The following HSDL2 variants were observed in gnomAD, a reference collection of about 807,000 sequenced individuals.
HSDL2 encodes the protein hydroxysteroid dehydrogenase like 2.
HSDL2 carries 27 observed loss-of-function variants against 46.3 expected under a neutral mutation model. The observed-to-expected ratio is 0.58, with a 90% confidence interval of 0.43 to 0.80. HSDL2 has a LOEUF of 0.80. Among genes scored for constraint, HSDL2 ranks in the 30% least tolerant of loss-of-function variants. HSDL2 has a pLI of 0.00. For missense variants in HSDL2, 451 were observed against 502.7 expected (o/e 0.90, Z 0.98); for synonymous variants, 153 against 163.6 (o/e 0.94, Z 0.50).
chr9:112,415,315 TAAC>T (rs1038618319), intron 4 of HSDL2, among the ~76,000 whole-genome samples: 1 of 152,242 alleles, frequency 6.6e-6, no homozygotes, highest in African/African-American at 2.4e-5. Flanking sequence ...TACATAATAC[TAAC>T]AACAGCGATT....
At chr9:112,413,166 A>G (rs2132634886) in intron 4 of HSDL2, among the ~76,000 whole-genome samples, 1 of 151,542 alleles carries the variant, frequency 6.6e-6, no homozygotes, top group Non-Finnish European at 1.5e-5. Flanking sequence ...ATGTTATAAA[A>G]TGAAAATTCA....
At chr9:112,405,887 G>T (rs917465046) in intron 3 of HSDL2, among the ~76,000 whole-genome samples, 165 bp downstream of exon 3, 1 of 152,136 alleles carries the variant, frequency 6.6e-6, no homozygotes, top group Non-Finnish European at 1.5e-5. Context: ...AAGGCTGGGC[G>T]TGGTGGCTCA....
At position 112,471,679 on chromosome 9, in the gene HSDL2, A is replaced by T. The variant is rs1483269592; in HGVS notation, c.*1135A>T. 1 of 152,116 alleles carries T rather than the reference A, an allele frequency of 6.6e-6. No individual in the cohort carries two copies. The allele number at this position is 152,116 out of a possible 1,614,324, so 9.4% of individuals were successfully genotyped here. A position where few individuals can be genotyped will look rare whatever the true frequency, so the allele number is the denominator to read the frequency against. ...CCTATCTCTACCCCCCTAATAAATTAATTTAAAAAGCCCCCCAATCTGTGG... is the reference window on the plus strand; with the variant it reads ...CCTATCTCTACCCCCCTAATAAATTTATTTAAAAAGCCCCCCAATCTGTGG... On this transcript the variant is annotated 3_prime_UTR_variant, in exon 11 of 11. Coordinates refer to ENST00000398805, the MANE Select transcript of HSDL2 (RefSeq NM_032303.5).
intron 6 of HSDL2, among the ~76,000 whole-genome samples, chr9:112,429,654 G>A (rs1315233727): frequency 6.6e-6 from 1 of 152,170 alleles, no homozygotes; most frequent in African/African-American, 2.4e-5. Flanking sequence ...TAGTCTAATT[G>A]GGAGAGATAC....
At chr9:112,399,509 CA>C (rs1227467990) in intron 1 of HSDL2, among the ~76,000 whole-genome samples, 2 of 152,184 alleles carry the variant, frequency 1.3e-5, no homozygotes, top group Middle Eastern at 3.4e-3. Flanking sequence ...ACAAATTTAC[CA>C]GGGTGGAGTT....
At chr9:112,443,523 C>G (rs1832683802) in intron 8 of HSDL2, among the ~76,000 whole-genome samples, 1 of 152,118 alleles carries the variant, frequency 6.6e-6, no homozygotes, top group Non-Finnish European at 1.5e-5. Flanking sequence ...TAAATTTTAG[C>G]ATATTCTTAG....
chr9:112,401,897 C>G (rs758664928), intron 1 of HSDL2, among the ~76,000 whole-genome samples: 1 of 152,132 alleles, frequency 6.6e-6, no homozygotes, highest in Non-Finnish European at 1.5e-5. Flanking sequence ...TAATTTCAAC[C>G]TCTCTGACTT....
intron 2 of HSDL2, among the ~76,000 whole-genome samples, chr9:112,404,990 TGTTA>T (rs1380565983): frequency 6.6e-6 from 1 of 152,236 alleles, no homozygotes; most frequent in Non-Finnish European, 1.5e-5. Context: ...GATGGATTCC[TGTTA>T]GTTTATTACA....
At chr9:112,410,501 G>A (rs924335087) in intron 4 of HSDL2, among the ~76,000 whole-genome samples, 66 of 152,258 alleles carry the variant, frequency 4.3e-4, no homozygotes, top group African/African-American at 1.4e-3. Flanking sequence ...GGTTGGTCAC[G>A]AGGGTTAAAT....
At chr9:112,387,651 A>C (rs1831246517) in intron 1 of HSDL2, among the ~76,000 whole-genome samples, 1 of 152,078 alleles carries the variant, frequency 6.6e-6, no homozygotes, top group Non-Finnish European at 1.5e-5. Context: ...TTTTGCACTG[A>C]TTGTTTATTG....
At chr9:112,443,731 A>G (rs1191610954) in intron 8 of HSDL2, among the ~76,000 whole-genome samples, 2 of 152,230 alleles carry the variant, frequency 1.3e-5, no homozygotes, top group African/African-American at 2.4e-5. Flanking sequence ...CCCTGTCTCA[A>G]ATAAATACGT....
At chr9:112,431,311 T>C (rs1422906596) in intron 6 of HSDL2, among the ~76,000 whole-genome samples, 2 of 151,720 alleles carry the variant, frequency 1.3e-5, no homozygotes, top group Non-Finnish European at 2.9e-5. Flanking sequence ...ATAGAACATA[T>C]AAAAAGCCAC....
chr9:112,406,265 C>T (rs1175899690), intron 3 of HSDL2, among the ~76,000 whole-genome samples: 9 of 151,972 alleles, frequency 5.9e-5, no homozygotes, highest in Admixed American at 2.0e-4. Flanking sequence ...ATTACTTAAT[C>T]GGTACAATGT....
Position 112,440,963 on chromosome 9 carries a change from G to A in HSDL2, c.794-736G>A, listed in dbSNP as rs939223568. ...GCAGAGGGTGCCATGAGCTGAGATCGTGCCACTGCACTCAAGCCTGGGTGA... is the reference window on the plus strand; with the variant it reads ...GCAGAGGGTGCCATGAGCTGAGATCATGCCACTGCACTCAAGCCTGGGTGA... On this transcript the variant is annotated intron_variant, in intron 7 of 10. Coordinates refer to ENST00000398805, the MANE Select transcript of HSDL2 (RefSeq NM_032303.5). Among the ~76,000 whole-genome samples, 11 of 152,224 alleles carry A rather than the reference G, an allele frequency of 7.2e-5. No individual in the cohort carries two copies. The South Asian group carries it at 8.3e-4, about 11-fold the overall frequency.
intron 3 of HSDL2, among the ~76,000 whole-genome samples, chr9:112,406,868 G>A (rs1276655709): frequency 6.6e-6 from 1 of 152,112 alleles, no homozygotes; most frequent in Non-Finnish European, 1.5e-5. Context: ...CTAGAAAAAA[G>A]GTGTTGGGGA....
chr9:112,437,310 C>T (rs1832548955), intron 6 of HSDL2, among the ~76,000 whole-genome samples: 1 of 151,978 alleles, frequency 6.6e-6, no homozygotes, highest in Non-Finnish European at 1.5e-5. Flanking sequence ...AAAAAGGACC[C>T]CCAGAAATCC....
intron 4 of HSDL2, among the ~76,000 whole-genome samples, chr9:112,416,611 A>G (rs914251445): frequency 4.0e-5 from 5 of 125,636 alleles, no homozygotes; most frequent in Non-Finnish European, 6.7e-5. Flanking sequence ...AAAAGTACAG[A>G]AATTAGCTGG....
At chr9:112,437,086 A>G (rs1179095796) in intron 6 of HSDL2, among the ~76,000 whole-genome samples, 1 of 150,230 alleles carries the variant, frequency 6.7e-6, no homozygotes, top group Non-Finnish European at 1.5e-5. Flanking sequence ...CTGCCTCCCA[A>G]GTAGCTGGGA....
intron 5 of HSDL2, among the ~76,000 whole-genome samples, chr9:112,417,594 T>A (rs948249555): frequency 6.6e-6 from 1 of 152,146 alleles, no homozygotes; most frequent in Non-Finnish European, 1.5e-5. Context: ...TTAAAATAGT[T>A]GTATCAAACA....
Sources: gnomAD v4.1 joint callset for allele counts (sites outside exome capture counted in the v4.1 genomes callset) on GRCh38, gnomAD v4.1.1 for gene constraint, MANE v1.5 for transcripts, NCBI Gene and HGNC (gene_info 2026-07-23, HGNC 2026-07-21) for gene names.